Variants in CADPS observed in about 807,000 individuals in gnomAD.
The protein encoded by CADPS is calcium dependent secretion activator, also known as calcium-dependent secretion activator 1.
A neutral mutation model predicts 167.3 loss-of-function variants in CADPS; 57 were observed. That is an observed-to-expected ratio of 0.34 (90% CI 0.28 to 0.42). The LOEUF is 0.42. Among genes scored for constraint, CADPS ranks in the 20% least tolerant of loss-of-function variants. The pLI is 1.00. For synonymous variants in CADPS, 676 were observed against 635.3 expected (o/e 1.06, Z -0.96); for missense variants, 1,414 against 1,738.1 (o/e 0.81, Z 3.32).
intron 27 of CADPS, chr3:62,439,247 AAGTT>A (rs376351981): frequency 5.4e-4 from 82 of 152,312 alleles, no homozygotes; most frequent in African/African-American, 1.9e-3. Flanking sequence ...CTGTAAATTG[AAGTT>A]AGTTAACACT....
At chr3:62,752,289 A>G (rs1467884985) in intron 3 of CADPS, among the ~76,000 whole-genome samples, 1 of 152,230 alleles carries the variant, frequency 6.6e-6, no homozygotes, top group Non-Finnish European at 1.5e-5. Flanking sequence ...ATTTCAAAAT[A>G]CTTTTTGACC....
chr3:62,712,187 CAT>C (rs1458318170), intron 3 of CADPS, among the ~76,000 whole-genome samples: 2 of 152,096 alleles, frequency 1.3e-5, no homozygotes, highest in African/African-American at 4.8e-5. Context: ...TTTGATCACA[CAT>C]ATGAATATTT....
At chr3:62,419,234 C>A (rs1430741433) in intron 28 of CADPS, among the ~76,000 whole-genome samples, 1 of 152,148 alleles carries the variant, frequency 6.6e-6, no homozygotes, top group African/African-American at 2.4e-5. Flanking sequence ...TCTAACCAGG[C>A]CTTGTCTGCC....
At chr3:62,872,616 C>A (rs1404608458) in intron 1 of CADPS, among the ~76,000 whole-genome samples, 3 of 152,126 alleles carry the variant, frequency 2.0e-5, no homozygotes. Context: ...AAAACCACAG[C>A]TTTGAGTGGA....
chr3:62,562,908 A>G (rs1428538872), intron 9 of CADPS, among the ~76,000 whole-genome samples: 1 of 152,240 alleles, frequency 6.6e-6, no homozygotes, highest in Non-Finnish European at 1.5e-5. Context: ...GTACTGGAAC[A>G]ATTGTTAAAG....
intron 6 of CADPS, among the ~76,000 whole-genome samples, chr3:62,616,707 T>C (rs2062368173): frequency 6.6e-6 from 1 of 152,148 alleles, no homozygotes; most frequent in Non-Finnish European, 1.5e-5. Flanking sequence ...ATATAGCATA[T>C]GGTATATGTG....
intron 20 of CADPS, 78 bp from the exon 21 acceptor site, chr3:62,491,558 A>AAC (rs35911391): frequency 0.18 from 91,016 of 508,476 alleles, 2,510 homozygotes; most frequent in Middle Eastern, 0.22. Flanking sequence ...CACACACACA[A>AAC]ACACACACAC....
At chr3:62,508,729 T>A (rs1051458712) in intron 17 of CADPS, among the ~76,000 whole-genome samples, 1 of 152,186 alleles carries the variant, frequency 6.6e-6, no homozygotes, top group Non-Finnish European at 1.5e-5. Context: ...GAGATATGTA[T>A]AACTACTTAG....
intron 2 of CADPS, among the ~76,000 whole-genome samples, chr3:62,757,057 A>G (rs1050017009): frequency 1.3e-5 from 2 of 152,142 alleles, no homozygotes; most frequent in African/African-American, 4.8e-5. Flanking sequence ...GAGCCAAGAA[A>G]ATAGGCAGGG....
At chr3:62,720,786 T>A (rs2075623301) in intron 3 of CADPS, among the ~76,000 whole-genome samples, 1 of 152,094 alleles carries the variant, frequency 6.6e-6, no homozygotes, top group Non-Finnish European at 1.5e-5. Context: ...ATCACCATTC[T>A]TTCCATATTG....
chr3:62,567,185 C>T (rs1322264404), intron 9 of CADPS, among the ~76,000 whole-genome samples: 1 of 152,056 alleles, frequency 6.6e-6, no homozygotes, highest in Admixed American at 6.6e-5. Flanking sequence ...GTTTCCTCTC[C>T]CAAAATAAGA....
chr3:62,755,188 T>C (rs931539947), intron 2 of CADPS, among the ~76,000 whole-genome samples: 4 of 152,140 alleles, frequency 2.6e-5, no homozygotes, highest in Non-Finnish European at 4.4e-5. Context: ...CCGGGTTCCT[T>C]CCTTCCCTGC....
intron 13 of CADPS, among the ~76,000 whole-genome samples, chr3:62,522,936 A>C (rs2071071577): frequency 6.6e-6 from 1 of 152,206 alleles, no homozygotes; most frequent in African/African-American, 2.4e-5. Flanking sequence ...GAGTCTCTCC[A>C]GCCACAGCAG....
intron 3 of CADPS, among the ~76,000 whole-genome samples, chr3:62,694,268 T>C (rs1233613655): frequency 2.6e-5 from 4 of 152,154 alleles, no homozygotes; most frequent in African/African-American, 7.2e-5. Context: ...AGGTCATAGA[T>C]AAATCTATGT....
chr3:62,690,115 T>A (rs931324729), intron 3 of CADPS, among the ~76,000 whole-genome samples: 7 of 152,010 alleles, frequency 4.6e-5, no homozygotes, highest in Admixed American at 6.6e-5. Context: ...ACATTTTTTT[T>A]AATGGAAATT....
In CADPS at chr3:62,544,422, G is replaced by A. The variant is rs929708260; in HGVS notation, c.1966+5481C>T. Among the ~76,000 whole-genome samples, 2 of 149,480 alleles carry A rather than the reference G, an allele frequency of 1.3e-5. No homozygotes were observed. The highest frequency in any genetic ancestry group is 3.9e-4 in the East Asian group (2 of 5,168). ...CATTCGAATCTTTGGAATGGGAAAGGAAAAACAACAACAACAACAACAACA... is the reference window on the plus strand; with the variant it reads ...CATTCGAATCTTTGGAATGGGAAAGAAAAAACAACAACAACAACAACAACA... On this transcript the variant is annotated intron_variant, in intron 11 of 29. Transcript: ENST00000383710. This position sits in a 1 kb window ranked among gnomAD's most constrained non-coding sequence, Gnocchi z 4.4.
chr3:62,751,769 G>C (rs1284617438), intron 3 of CADPS, among the ~76,000 whole-genome samples: 1 of 152,268 alleles, frequency 6.6e-6, no homozygotes, highest in East Asian at 1.9e-4. Context: ...ATTCTGGAGA[G>C]AGAAGATATT....
chr3:62,650,238 T>C (rs1000442193), intron 5 of CADPS, among the ~76,000 whole-genome samples: 11 of 152,216 alleles, frequency 7.2e-5, no homozygotes, highest in Non-Finnish European at 1.6e-4. Flanking sequence ...CCCAGGAATC[T>C]GCATAGTGAA....
intron 6 of CADPS, among the ~76,000 whole-genome samples, chr3:62,630,643 C>T (rs1406318779): frequency 6.6e-6 from 1 of 152,138 alleles, no homozygotes; most frequent in Non-Finnish European, 1.5e-5. Flanking sequence ...CCGTGAGCCA[C>T]CATGCAGTTT....
Sources: allele counts gnomAD v4.1 joint callset (sites outside exome capture counted in the v4.1 genomes callset), GRCh38; gene constraint gnomAD v4.1.1; non-coding constraint Gnocchi (gnomAD v3.1); transcripts MANE v1.5; gene names NCBI Gene and HGNC (gene_info 2026-07-23, HGNC 2026-07-21).